ZNF652: variants seen among roughly 807,000 people sequenced by gnomAD.
ZNF652 encodes the protein zinc finger protein 652.
ZNF652 carries 16 observed loss-of-function variants against 45.2 expected under a neutral mutation model. That is an observed-to-expected ratio of 0.35 (90% CI 0.24 to 0.54). ZNF652 has a LOEUF of 0.54. Ranked by LOEUF, ZNF652 falls within the 20% of genes least tolerant of loss-of-function variation. ZNF652 has a pLI of 0.91. For missense variants in ZNF652, 614 were observed against 765.6 expected (o/e 0.80, Z 2.34); for synonymous variants, 250 against 260.6 (o/e 0.96, Z 0.39).
chr17:49,321,562 G>A (rs930135319), intron 1 of ZNF652, among the ~76,000 whole-genome samples: 1 of 151,466 alleles, frequency 6.6e-6, no homozygotes, highest in Non-Finnish European at 1.5e-5. Flanking sequence ...GAGCCACCGT[G>A]CCCAGCCACA....
At position 49,351,014 on chromosome 17, in the gene ZNF652, TACACACACACACACACACACAC is replaced by T. The variant is rs370792940; in HGVS notation, c.-259+10873_-259+10894del. On this transcript the variant is annotated intron_variant, in intron 1 of 5. Transcript: ENST00000430262. ...ATATATATATATATATATATATATATACACACACACACACACACACACACACACACACACACACACATATTTT... is the reference window on the plus strand; with the variant it reads ...ATATATATATATATATATATATATATACACACACACACACACACATATTTT... Among the ~76,000 whole-genome samples the T allele has an allele frequency of 1.0e-3, 30 of 29,734 alleles. 1 individual carries two copies. Among genetic ancestry groups the T allele is most frequent in the African/African-American group, 3.0e-3 (27 of 8,960 alleles). The allele number at this position is 29,734 out of a possible 152,430, so 19.5% of individuals were successfully genotyped here.
intron 2 of ZNF652, among the ~76,000 whole-genome samples, chr17:49,315,731 G>C (rs1045263039): frequency 1.3e-5 from 2 of 152,176 alleles, no homozygotes; most frequent in Non-Finnish European, 2.9e-5. Flanking sequence ...GCAGTTACCG[G>C]AGGATATGGG....
chr17:49,312,673 A>T (rs774371178), intron 3 of ZNF652, 25 bp downstream of exon 3: 1 of 1,608,618 alleles, frequency 6.2e-7, no homozygotes, highest in Non-Finnish European at 8.5e-7. Flanking sequence ...AATTATAGGT[A>T]TAAGAGAAAA....
chr17:49,303,566 T>C (rs1482848269), intron 5 of ZNF652, among the ~76,000 whole-genome samples: 2 of 152,038 alleles, frequency 1.3e-5, no homozygotes, highest in African/African-American at 4.8e-5. Context: ...AAATTAAATA[T>C]GATTTACTTG....
chr17:49,313,272 C>A (rs1170010438), intron 2 of ZNF652, among the ~76,000 whole-genome samples: 1 of 152,172 alleles, frequency 6.6e-6, no homozygotes, highest in African/African-American at 2.4e-5. Context: ...TCTCCTGCCT[C>A]AGCCTCCCAA....
chr17:49,299,509 C>A (rs1598280631), intron 5 of ZNF652, among the ~76,000 whole-genome samples: 1 of 152,030 alleles, frequency 6.6e-6, no homozygotes, highest in Non-Finnish European at 1.5e-5. Flanking sequence ...GCCTCCTGAG[C>A]AGCTGAGACT....
intron 2 of ZNF652, 136 bp from the exon 3 acceptor site, chr17:49,312,981 C>T (rs2069738472): frequency 5.3e-6 from 4 of 757,734 alleles, no homozygotes; most frequent in Non-Finnish European, 8.3e-6. Context: ...TTCCACAGAG[C>T]CCAGATTCCA....
intron 2 of ZNF652, among the ~76,000 whole-genome samples, chr17:49,315,179 T>G (rs369976643): frequency 6.4e-4 from 98 of 151,964 alleles, no homozygotes; most frequent in Middle Eastern, 3.4e-3. Flanking sequence ...GTAGCTGGGA[T>G]TACAGGCATG....
In ZNF652 at chr17:49,314,427, TG is replaced by T. The variant is rs1379339013; in HGVS notation, c.901-1583del. 6.2e-4 allele frequency among the ~76,000 whole-genome samples: 94 copies of T among 152,290 alleles called. 1 individual carries two copies. Among genetic ancestry groups the T allele is most frequent in the African/African-American group, 2.1e-3 (89 of 41,566 alleles). ...TGCCCGCCTCAGCCTCCCAAAGTGC[TG>T]GGATTACAGGTGTGAGCTACTGCAC... On this transcript the variant is annotated intron_variant, in intron 2 of 5. Coordinates refer to ENST00000430262, the MANE Select transcript of ZNF652 (RefSeq NM_001145365.3).
intron 5 of ZNF652, among the ~76,000 whole-genome samples, chr17:49,303,203 C>G (rs2069578176): frequency 6.7e-6 from 1 of 149,606 alleles, no homozygotes; most frequent in Admixed American, 6.7e-5. Flanking sequence ...GTGATTATCT[C>G]TAGGTAATAA....
intron 1 of ZNF652, among the ~76,000 whole-genome samples, chr17:49,340,523 C>T (rs943172269): frequency 7.6e-6 from 1 of 131,778 alleles, no homozygotes; most frequent in Admixed American, 8.5e-5. Context: ...GCACTCCAGC[C>T]TGGGCAACAA....
intron 1 of ZNF652, among the ~76,000 whole-genome samples, chr17:49,355,235 T>C (rs1390218667): frequency 6.6e-6 from 1 of 152,178 alleles, no homozygotes; most frequent in Non-Finnish European, 1.5e-5. Context: ...TAAAAAACTT[T>C]TAATAATTAA....
chr17:49,340,549 CAAAAAAAAAAAA>C (rs1040246588), intron 1 of ZNF652, among the ~76,000 whole-genome samples: 3 of 50,140 alleles, frequency 6.0e-5, no homozygotes, highest in Non-Finnish European at 8.7e-5. Flanking sequence ...GACTCTGTCT[CAAAAAAAAAAAA>C]AAAAAAAAAA....
At position 49,294,207 on chromosome 17, in the gene ZNF652, G is replaced by C. The variant is rs2069441862; in HGVS notation, c.*4206C>G. Among the ~76,000 whole-genome samples the C allele has an allele frequency of 6.6e-6, 1 of 152,080 alleles. No individual in the cohort carries two copies. The highest frequency in any genetic ancestry group is 2.4e-5 in the African/African-American group (1 of 41,420). The stretch of plus-strand genomic sequence containing the variant: ...TTCATAGTTTATAAGCATCTCATCA[G>C]AGCATTTTGCTTTCGGTTAGTATAT... On this transcript the variant is annotated 3_prime_UTR_variant, in exon 6 of 6. Transcript: ENST00000430262.
At chr17:49,312,988 T>A (rs1300823460) in intron 2 of ZNF652, 143 bp from the exon 3 acceptor site, 1 of 703,116 alleles carries the variant, frequency 1.4e-6, no homozygotes, top group African/African-American at 1.8e-5. Flanking sequence ...GAGCCCAGAT[T>A]CCAACACCAA....
chr17:49,324,662 T>C (rs2069936814), intron 1 of ZNF652, among the ~76,000 whole-genome samples: 1 of 151,404 alleles, frequency 6.6e-6, no homozygotes, highest in African/African-American at 2.4e-5. Flanking sequence ...AGTGCTGGGA[T>C]TACAGGCATG....
At position 49,317,893 on chromosome 17, in the gene ZNF652, A is replaced by T. The variant is rs1235084465; in HGVS notation, c.-168T>A. The T allele has an allele frequency of 1.3e-6, 1 of 751,946 alleles. No individual in the cohort carries two copies. Among genetic ancestry groups the T allele is most frequent in the East Asian group, 2.8e-5 (1 of 35,536 alleles). 46.6% of individuals were successfully genotyped at this position (751,946 alleles called of 1,614,324 possible). A position where few individuals can be genotyped will look rare whatever the true frequency, so the allele number is the denominator to read the frequency against. On this transcript the variant is annotated 5_prime_UTR_variant, in exon 2 of 6. The change abolishes an upstream ATG in the 5' untranslated region. Coordinates refer to ENST00000430262, the MANE Select transcript of ZNF652 (RefSeq NM_001145365.3). ...TCTTCCAGTGTTGCAGCACCAAAGC[A>T]TGAGTCAAAAAGGTTTGGTATTATG...
At chr17:49,302,814 T>G (rs927892009) in intron 5 of ZNF652, among the ~76,000 whole-genome samples, 1 of 150,492 alleles carries the variant, frequency 6.6e-6, no homozygotes, top group Non-Finnish European at 1.5e-5. Flanking sequence ...ATACAAAAAT[T>G]AGCCGGGTGT....
intron 1 of ZNF652, among the ~76,000 whole-genome samples, chr17:49,331,715 G>A (rs1366259510): frequency 1.3e-5 from 2 of 152,114 alleles, no homozygotes; most frequent in Non-Finnish European, 2.9e-5. Flanking sequence ...AAAATGCTGG[G>A]AATTTATTTT....
Sources: allele counts gnomAD v4.1 joint callset (sites outside exome capture counted in the v4.1 genomes callset), GRCh38; gene constraint gnomAD v4.1.1; transcripts MANE v1.5; gene names NCBI Gene and HGNC (gene_info 2026-07-23, HGNC 2026-07-21).